The following DDX1 variants were observed in gnomAD, a reference collection of about 807,000 sequenced individuals.
The protein encoded by DDX1 is DEAD-box helicase 1.
DDX1 carries 28 observed loss-of-function variants against 108.7 expected under a neutral mutation model. That is an observed-to-expected ratio of 0.26 (90% CI 0.19 to 0.35). The LOEUF (loss-of-function observed/expected upper bound fraction) is 0.35. DDX1 is among the 10% of genes least tolerant of loss of function. DDX1 has a pLI of 1.00. For synonymous variants in DDX1, 295 were observed against 288.9 expected, an observed-to-expected ratio of 1.02 and a Z score of -0.21; for missense variants, 710 against 884.5, an observed-to-expected ratio of 0.80 and a Z score of 2.50.
chr2:15,614,269 A>T (rs1282398186), intron 14 of DDX1, among the ~76,000 whole-genome samples: 1 of 152,184 alleles, frequency 6.6e-6, no homozygotes, highest in African/African-American at 2.4e-5. Flanking sequence ...ACCATCCGAT[A>T]TTGAGTCATG....
At chr2:15,627,364 G>T in intron 20 of DDX1, 1 of 323,648 alleles carries the variant, frequency 3.1e-6, no homozygotes, top group Non-Finnish European at 5.6e-6. Context: ...ACTATAACAG[G>T]AATTTTCAAT....
Position 15,618,318 on chromosome 2 carries a change from T to C in DDX1, c.1206+48T>C, listed in dbSNP as rs571243187. 8 of 978,828 alleles carry C rather than the reference T, an allele frequency of 8.2e-6. No individual in the cohort carries two copies. The East Asian group carries it at 9.7e-5, about 12-fold the overall frequency. 60.6% of individuals were successfully genotyped at this position (978,828 alleles called of 1,614,324 possible). A position where few individuals can be genotyped will look rare whatever the true frequency, so the allele number is the denominator to read the frequency against. ...TTAAAATGCATGTAAACAATTGTTA[T>C]GTATAATGTTACGGGATCCCAGGGG... On this transcript the variant is annotated intron_variant, in intron 16 of 25. Coordinates refer to ENST00000233084, the MANE Select transcript of DDX1 (RefSeq NM_004939.3).
chr2:15,610,312 T>G (rs189949440), intron 13 of DDX1, among the ~76,000 whole-genome samples: 1 of 152,324 alleles, frequency 6.6e-6, no homozygotes, highest in Admixed American at 6.5e-5. Context: ...GTCATGGTGT[T>G]TTGATGTTGT....
intron 6 of DDX1, among the ~76,000 whole-genome samples, chr2:15,600,444 T>A (rs1665571799): frequency 6.6e-6 from 1 of 152,246 alleles, no homozygotes; most frequent in Non-Finnish European, 1.5e-5. Flanking sequence ...GATACTGATC[T>A]ACAAAATGTA....
chr2:15,608,962 A>T (rs1283085792), intron 13 of DDX1, among the ~76,000 whole-genome samples: 1 of 140,724 alleles, frequency 7.1e-6, no homozygotes, highest in Non-Finnish European at 1.5e-5. Flanking sequence ...TATTCAGCAA[A>T]TGTTCATCTA....
intron 3 of DDX1, among the ~76,000 whole-genome samples, 198 bp downstream of exon 3, chr2:15,595,751 A>G (rs1020904984): frequency 6.6e-6 from 1 of 152,260 alleles, no homozygotes; most frequent in Admixed American, 6.5e-5. Flanking sequence ...AGACATGTAT[A>G]AGAATGAATC....
intron 14 of DDX1, among the ~76,000 whole-genome samples, chr2:15,614,636 C>CT (rs1215187916): frequency 2.0e-5 from 3 of 152,184 alleles, no homozygotes; most frequent in Non-Finnish European, 4.4e-5. Flanking sequence ...CCGTTTTCCT[C>CT]TCTTTGTTGC....
intron 13 of DDX1, among the ~76,000 whole-genome samples, chr2:15,612,690 AC>A (rs1277695673): frequency 1.3e-5 from 2 of 152,132 alleles, no homozygotes; most frequent in African/African-American, 2.4e-5. Flanking sequence ...AGCCGAGATC[AC>A]GCCACTGCAC....
chr2:15,628,091 A>G (rs1444513878), intron 20 of DDX1, among the ~76,000 whole-genome samples: 1 of 152,176 alleles, frequency 6.6e-6, no homozygotes, highest in Admixed American at 6.5e-5. Context: ...TGAATTTAAG[A>G]GTAAAGATAA....
intron 1 of DDX1, 52 bp downstream of exon 1, chr2:15,592,001 G>C (rs1292969066): frequency 7.4e-7 from 1 of 1,354,238 alleles, no homozygotes; most frequent in East Asian, 3.1e-5. Context: ...GCACGCCTCA[G>C]CCCTGGGGCC....
intron 1 of DDX1, among the ~76,000 whole-genome samples, chr2:15,593,148 C>G (rs1573033982): frequency 6.6e-6 from 1 of 152,180 alleles, no homozygotes; most frequent in Non-Finnish European, 1.5e-5. Context: ...TCTCGAACTC[C>G]TGACCTCAGG....
rs898033311 is a variant in DDX1 at position 15,604,467 on chromosome 2, T to C, written c.583T>C (p.Tyr195His). Reference sequence around the variant, plus strand: ...CACTATGCATGATACCATTGGATGTTACCTGGATATAGATAAGGGACATGT... The same window carrying C: ...CACTATGCATGATACCATTGGATGTCACCTGGATATAGATAAGGGACATGT... ...EFTMHDTIGCYLDIDKGHVKF... is the reference protein window; with the variant it reads ...EFTMHDTIGCHLDIDKGHVKF... The change falls in exon 10 of 26, where the codon TAC (tyrosine) becomes CAC (histidine). Residue 195 changes from tyrosine to histidine, a missense_variant. This residue lies in a region of DDX1 where 661 missense variants were observed against 810.2 expected (regional missense o/e 0.82). Coordinates refer to ENST00000233084, the MANE Select transcript of DDX1 (RefSeq NM_004939.3). 1 of 1,611,232 alleles carries C rather than the reference T, an allele frequency of 6.2e-7. No homozygotes were observed. Among genetic ancestry groups the C allele is most frequent in the African/African-American group, 1.3e-5 (1 of 74,890 alleles).
chr2:15,611,557 G>T (rs1466155331), intron 13 of DDX1, among the ~76,000 whole-genome samples: 8 of 126,384 alleles, frequency 6.3e-5, no homozygotes, highest in African/African-American at 2.6e-4. Context: ...CTGGCCGGGC[G>T]GGGGGCTGAC....
At chr2:15,614,680 C>T (rs1665865328) in intron 14 of DDX1, among the ~76,000 whole-genome samples, 1 of 152,208 alleles carries the variant, frequency 6.6e-6, no homozygotes, top group African/African-American at 2.4e-5. Context: ...TCACTAGTTG[C>T]TGCTGGCACT....
intron 23 of DDX1, 115 bp from the exon 24 acceptor site, chr2:15,629,487 A>ATAT (rs1456439892): frequency 2.9e-6 from 2 of 681,378 alleles, no homozygotes; most frequent in African/African-American, 3.9e-5. Context: ...TCATACCTAT[A>ATAT]ATCTATTTTT....
intron 13 of DDX1, among the ~76,000 whole-genome samples, chr2:15,611,768 G>T (rs1665767564): frequency 9.8e-6 from 1 of 101,952 alleles, no homozygotes; most frequent in Non-Finnish European, 2.0e-5. Flanking sequence ...CCCGGACGGG[G>T]TGGCTGGCCG....
chr2:15,597,528 C>A, intron 5 of DDX1, 57 bp downstream of exon 5: 1 of 1,158,220 alleles, frequency 8.6e-7, no homozygotes, highest in Non-Finnish European at 1.3e-6. Context: ...TCATCACTGA[C>A]AGTTAGGAAA....
At chr2:15,599,763 T>G (rs970074575) in intron 6 of DDX1, 47 bp downstream of exon 6, 1 of 1,330,668 alleles carries the variant, frequency 7.5e-7, no homozygotes, top group Non-Finnish European at 1.1e-6. Flanking sequence ...TCAGAAACTT[T>G]AAAAAATAAT....
chr2:15,611,666 C>A (rs867783921), intron 13 of DDX1, among the ~76,000 whole-genome samples: 2 of 103,194 alleles, frequency 1.9e-5, no homozygotes, highest in African/African-American at 5.4e-5. Flanking sequence ...ACCTCCCGGA[C>A]GGGGCGGCTG....
Sources: gnomAD v4.1 joint callset for allele counts (sites outside exome capture counted in the v4.1 genomes callset) on GRCh38, gnomAD v4.1.1 for gene constraint, gnomAD v4.1.1 regional missense constraint, MANE v1.5 for transcripts, NCBI Gene and HGNC (gene_info 2026-07-23, HGNC 2026-07-21) for gene names.